Variants in ATL1 observed in about 807,000 individuals in gnomAD.
ATL1 encodes atlastin GTPase 1.
Under a neutral mutation model 75.5 loss-of-function variants are expected in ATL1, and 31 were observed. The observed-to-expected ratio is 0.41, with a 90% CI of 0.31 to 0.55. The LOEUF is 0.55. Ranked by LOEUF, ATL1 falls within the 20% of genes least tolerant of loss-of-function variation. ATL1 has a pLI of 0.27. For missense variants in ATL1, 405 were observed against 662.6 expected (o/e 0.61, Z 4.27); for synonymous variants, 226 against 233.3 (o/e 0.97, Z 0.28).
intron 1 of ATL1, among the ~76,000 whole-genome samples, chr14:50,563,141 C>T (rs952589208): frequency 9.9e-5 from 15 of 152,128 alleles, no homozygotes; most frequent in Middle Eastern, 3.2e-3. Flanking sequence ...AATGCATATT[C>T]ATCTGCATTA....
intron 13 of ATL1, 115 bp downstream of exon 13, chr14:50,630,124 T>C: frequency 1.5e-6 from 1 of 682,136 alleles, no homozygotes; most frequent in Non-Finnish European, 2.4e-6. Context: ...CAATCTTTGG[T>C]GACTTCTAAC....
intron 10 of ATL1, among the ~76,000 whole-genome samples, chr14:50,622,751 G>C (rs892633595): frequency 6.6e-6 from 1 of 152,098 alleles, no homozygotes; most frequent in Admixed American, 6.5e-5. Flanking sequence ...TAAAATGTAA[G>C]TTCTTAATAG....
intron 1 of ATL1, among the ~76,000 whole-genome samples, chr14:50,562,850 A>G (rs2038864543): frequency 6.6e-6 from 1 of 152,220 alleles, no homozygotes; most frequent in African/African-American, 2.4e-5. Flanking sequence ...AGGTTTTGGC[A>G]CAGATATTAG....
At chr14:50,614,633 A>G in intron 8 of ATL1, 122 bp downstream of exon 8, 1 of 1,175,668 alleles carries the variant, frequency 8.5e-7, no homozygotes, top group South Asian at 1.3e-5. Context: ...ATGATTAGAA[A>G]TTGTCAGGAG....
intron 11 of ATL1, 129 bp from the exon 12 acceptor site, chr14:50,627,902 C>A: frequency 1.1e-6 from 1 of 870,580 alleles, no homozygotes; most frequent in Non-Finnish European, 1.8e-6. Context: ...TGTGGGCTGA[C>A]AAAACATATA....
intron 1 of ATL1, among the ~76,000 whole-genome samples, chr14:50,568,538 C>T (rs1463311629): frequency 2.6e-5 from 4 of 152,168 alleles, no homozygotes; most frequent in Admixed American, 1.3e-4. Flanking sequence ...TTCCACCCTA[C>T]CACTTTCAAT....
chr14:50,569,418 CA>C (rs35548036), intron 1 of ATL1, among the ~76,000 whole-genome samples: 1,658 of 118,244 alleles, frequency 0.014, 23 homozygotes, highest in African/African-American at 0.039. Context: ...GACTCTGTCT[CA>C]AAAAAAAAAA....
At chr14:50,552,224 C>A (rs2038711611) in intron 1 of ATL1, among the ~76,000 whole-genome samples, 1 of 152,012 alleles carries the variant, frequency 6.6e-6, no homozygotes, top group Non-Finnish European at 1.5e-5. Context: ...AATGACAAAG[C>A]TGAGAATCAA....
chr14:50,548,923 C>T (rs895412407), intron 1 of ATL1, among the ~76,000 whole-genome samples: 3 of 152,072 alleles, frequency 2.0e-5, no homozygotes, highest in Admixed American at 2.0e-4. Flanking sequence ...GAAAGCAGAC[C>T]ACACAATAAA....
In ATL1 at chr14:50,538,790, G is replaced by A. The variant is rs541308473; in HGVS notation, c.-140+5423G>A. 1.2e-4 allele frequency among the ~76,000 whole-genome samples: 19 copies of A among 152,172 alleles called. No homozygotes were observed. In the South Asian group the frequency reaches 1.9e-3, roughly 15 times the overall value. On this transcript the variant is annotated intron_variant, in intron 1 of 13. Transcript: ENST00000441560. ...ATTCCTCACTATCTATTGGTGATTC[G>A]CTTAACCCTGTCATCTAATCATTTA...
At position 50,591,658 on chromosome 14, in the gene ATL1, T is replaced by G. The variant is rs748226901; in HGVS notation, c.522+19T>G. 21 of 1,549,038 alleles carry G rather than the reference T, an allele frequency of 1.4e-5. No homozygotes were observed. The East Asian group carries it at 4.3e-4, about 32-fold the overall frequency. On this transcript the variant is annotated intron_variant, in intron 4 of 13. Transcript: ENST00000358385. ...AATACAGGTATGAAATAAGCCCATTTTGATGATGTTTCTTTAACTAAAAAT... is the reference window on the plus strand; with the variant it reads ...AATACAGGTATGAAATAAGCCCATTGTGATGATGTTTCTTTAACTAAAAAT...
intron 1 of ATL1, among the ~76,000 whole-genome samples, chr14:50,587,171 G>A (rs1236335736): frequency 2.6e-5 from 4 of 152,030 alleles, no homozygotes; most frequent in African/African-American, 9.7e-5. Flanking sequence ...CTATTTCTAG[G>A]GGATAAAGAA....
At chr14:50,573,103 T>C (rs1196808557) in intron 1 of ATL1, among the ~76,000 whole-genome samples, 1 of 152,064 alleles carries the variant, frequency 6.6e-6, no homozygotes, top group Non-Finnish European at 1.5e-5. Context: ...TCTAATCACC[T>C]CCCACGAGGT....
intron 1 of ATL1, among the ~76,000 whole-genome samples, chr14:50,554,544 C>T (rs1338273475): frequency 6.6e-6 from 1 of 152,154 alleles, no homozygotes; most frequent in East Asian, 1.9e-4. Flanking sequence ...TGTACATCCA[C>T]TGCTTGAATG....
intron 13 of ATL1, among the ~76,000 whole-genome samples, chr14:50,631,407 T>C (rs932021571): frequency 2.0e-5 from 3 of 152,118 alleles, no homozygotes; most frequent in African/African-American, 7.2e-5. Context: ...TTTAAAAATA[T>C]TCAAAGACTC....
chr14:50,558,252 G>T (rs909926612), upstream of ATL1, among the ~76,000 whole-genome samples: 5 of 152,218 alleles, frequency 3.3e-5, no homozygotes, highest in African/African-American at 1.2e-4. Flanking sequence ...CCAGCTACTT[G>T]AGAGGCTGAG....
At chr14:50,575,811 C>A (rs149860752) in intron 1 of ATL1, among the ~76,000 whole-genome samples, 60 of 152,170 alleles carry the variant, frequency 3.9e-4, no homozygotes, top group African/African-American at 1.4e-3. Context: ...CACAACATTT[C>A]TAGTATATGA....
At chr14:50,550,602 G>A (rs1214658056) in intron 1 of ATL1, among the ~76,000 whole-genome samples, 3 of 152,208 alleles carry the variant, frequency 2.0e-5, no homozygotes, top group Non-Finnish European at 4.4e-5. Flanking sequence ...CTGCAGGAAG[G>A]CCTGATTGCC....
intron 1 of ATL1, among the ~76,000 whole-genome samples, chr14:50,569,810 C>T (rs944767537): frequency 6.6e-6 from 1 of 152,134 alleles, no homozygotes; most frequent in African/African-American, 2.4e-5. Flanking sequence ...GACAGGGCTG[C>T]TGGATATAGG....
Sources: gnomAD v4.1 joint callset for allele counts (sites outside exome capture counted in the v4.1 genomes callset) on GRCh38, gnomAD v4.1.1 for gene constraint, MANE v1.5 for transcripts, NCBI Gene and HGNC (gene_info 2026-07-23, HGNC 2026-07-21) for gene names.